HHLA2: variants seen among roughly 807,000 people sequenced by gnomAD.
The protein encoded by HHLA2 is HHLA2 member of B7 family, also known as HERV-H LTR-associating protein 2.
HHLA2 carries 48 observed loss-of-function variants against 45.9 expected under a neutral mutation model. That is an observed-to-expected ratio of 1.05 (90% confidence interval 0.83 to 1.33). The LOEUF (loss-of-function observed/expected upper bound fraction) is 1.33, where lower values mean the gene tolerates loss of function less well. Among genes scored for constraint, HHLA2 ranks in the 40% most tolerant of loss-of-function variants. The pLI, the probability that HHLA2 is intolerant of heterozygous loss-of-function variation, is 0.00. For missense variants in HHLA2, 462 were observed against 494.3 expected (o/e 0.93, Z 0.62); for synonymous variants, 161 against 173.9 (o/e 0.93, Z 0.59).
chr3:108,367,266 G>A (rs2082080036), intron 8 of HHLA2, among the ~76,000 whole-genome samples: 1 of 152,170 alleles, frequency 6.6e-6, no homozygotes, highest in African/African-American at 2.4e-5. Context: ...GCACAAAAAT[G>A]CTGAAAATTT....
chr3:108,376,457 G>T, intron 9 of HHLA2, 36 bp from the exon 9 acceptor site: 3 of 1,562,508 alleles, frequency 1.9e-6, no homozygotes, highest in South Asian at 1.2e-5. Flanking sequence ...TGTTTGCAAA[G>T]AAATTATTTT....
intron 2 of HHLA2, among the ~76,000 whole-genome samples, chr3:108,320,205 T>C (rs900563090): frequency 6.6e-6 from 1 of 152,226 alleles, no homozygotes; most frequent in Non-Finnish European, 1.5e-5. Flanking sequence ...AGGTTTTTGA[T>C]ATTTGTTGCC....
At chr3:108,372,287 A>G (rs2107512151) in intron 8 of HHLA2, among the ~76,000 whole-genome samples, 1 of 152,142 alleles carries the variant, frequency 6.6e-6, no homozygotes, top group South Asian at 2.1e-4. Context: ...ATGAGAACAA[A>G]GACACAACAT....
intron 7 of HHLA2, among the ~76,000 whole-genome samples, 171 bp from the exon 7 acceptor site, chr3:108,362,171 G>T (rs1476938166): frequency 6.6e-6 from 1 of 152,080 alleles, no homozygotes; most frequent in East Asian, 1.9e-4. Flanking sequence ...TATCCTAAAG[G>T]ACGTTTTTAT....
intron 8 of HHLA2, among the ~76,000 whole-genome samples, chr3:108,363,305 G>A (rs529339703): frequency 6.6e-6 from 1 of 152,156 alleles, no homozygotes. Context: ...ACAGATTTAG[G>A]TGGATCATTT....
chr3:108,297,185 G>A (rs537733981), intron 1 of HHLA2, among the ~76,000 whole-genome samples: 2 of 152,254 alleles, frequency 1.3e-5, no homozygotes, highest in South Asian at 4.1e-4. Context: ...AAAAAGTTAA[G>A]ATTCAATTCT....
intron 7 of HHLA2, among the ~76,000 whole-genome samples, chr3:108,361,070 A>G (rs2081976837): frequency 6.6e-6 from 1 of 152,166 alleles, no homozygotes; most frequent in Non-Finnish European, 1.5e-5. Flanking sequence ...TTGGTAACCC[A>G]GGGTCTCTGG....
At chr3:108,359,887 G>A (rs981404455) in intron 7 of HHLA2, among the ~76,000 whole-genome samples, 9 of 152,082 alleles carry the variant, frequency 5.9e-5, no homozygotes, top group Admixed American at 4.6e-4. Context: ...CACATGGTAC[G>A]AGGATTAATC....
chr3:108,316,023 T>C (rs553572931), intron 2 of HHLA2, among the ~76,000 whole-genome samples: 4 of 152,014 alleles, frequency 2.6e-5, no homozygotes, highest in African/African-American at 4.8e-5. Flanking sequence ...TTTTATTTAT[T>C]TATTTACACC....
intron 3 of HHLA2, among the ~76,000 whole-genome samples, chr3:108,333,451 A>G (rs967000820): frequency 6.6e-6 from 1 of 152,152 alleles, no homozygotes; most frequent in African/African-American, 2.4e-5. Flanking sequence ...GAATTTCAGT[A>G]TAAGTATGTC....
intron 2 of HHLA2, among the ~76,000 whole-genome samples, chr3:108,324,940 C>T (rs1576119650): frequency 6.6e-6 from 1 of 152,138 alleles, no homozygotes; most frequent in Non-Finnish European, 1.5e-5. Flanking sequence ...TTCTTAAAAC[C>T]TTACATTAAT....
chr3:108,313,359 C>A (rs1195995406), intron 2 of HHLA2, among the ~76,000 whole-genome samples: 1 of 152,242 alleles, frequency 6.6e-6, no homozygotes, highest in East Asian at 1.9e-4. Flanking sequence ...GGATCCCAAC[C>A]ATTGGGAACT....
chr3:108,336,714 G>C (rs55974709), intron 3 of HHLA2, among the ~76,000 whole-genome samples: 6,099 of 152,036 alleles, frequency 0.04, 177 homozygotes, highest in Non-Finnish European at 0.054. Context: ...TGCTCAGTGG[G>C]AAAGATTAAT....
At chr3:108,328,460 A>G in intron 3 of HHLA2, 1 of 675,326 alleles carries the variant, frequency 1.5e-6, no homozygotes, top group Admixed American at 3.3e-5. Flanking sequence ...TATTAACATA[A>G]TTCTTATAAC....
chr3:108,374,099 C>A (rs2082229842), intron 8 of HHLA2, among the ~76,000 whole-genome samples: 2 of 151,476 alleles, frequency 1.3e-5, no homozygotes, highest in African/African-American at 4.8e-5. Flanking sequence ...CTACAGTAAC[C>A]AAAACAGCAT....
Position 108,354,827 on chromosome 3 carries a change from A to G in HHLA2, c.419-288A>G, listed in dbSNP as rs537112559. ...TAGACATCCTCATTTTGGTTTTTCA[A>G]TGAGGCCATTAGATTTCTTTTCCAG... On this transcript the variant is annotated intron_variant, in intron 5 of 10. Transcript: ENST00000619531. Among the ~76,000 whole-genome samples the G allele has an allele frequency of 1.6e-4, 25 of 152,254 alleles. 1 individual carries two copies. The East Asian group carries it at 4.6e-3, about 28-fold the overall frequency.
intron 2 of HHLA2, among the ~76,000 whole-genome samples, chr3:108,318,317 G>T (rs1248854569): frequency 6.6e-6 from 1 of 152,116 alleles, no homozygotes; most frequent in African/African-American, 2.4e-5. Flanking sequence ...TTCATGGAGG[G>T]TATAGCCAGT....
intron 8 of HHLA2, 151 bp from the exon 8 acceptor site, chr3:108,375,599 A>C: frequency 3.7e-6 from 3 of 807,220 alleles, no homozygotes. Context: ...AGATCAGAGC[A>C]GAAATGAAGG....
At chr3:108,333,294 A>G (rs1195742505) in intron 3 of HHLA2, among the ~76,000 whole-genome samples, 1 of 152,204 alleles carries the variant, frequency 6.6e-6, no homozygotes, top group Non-Finnish European at 1.5e-5. Context: ...ATCTCATGTC[A>G]TAACCTTAAT....
Sources: gnomAD v4.1 joint callset for allele counts (sites outside exome capture counted in the v4.1 genomes callset) on GRCh38, gnomAD v4.1.1 for gene constraint, MANE v1.5 for transcripts, NCBI Gene and HGNC (gene_info 2026-07-23, HGNC 2026-07-21) for gene names.